Variants in CCDC171 observed in about 807,000 individuals in gnomAD.
CCDC171 encodes coiled-coil domain containing 171.
CCDC171 carries 177 observed loss-of-function variants against 168.2 expected under a neutral mutation model. That is an observed-to-expected ratio of 1.05 (90% CI 0.93 to 1.19). The LOEUF is 1.19. CCDC171 is among the 50% of genes most tolerant of loss of function. The pLI, the probability that CCDC171 is intolerant of heterozygous loss-of-function variation, is 0.00. For missense variants in CCDC171, 1,991 were observed against 1,539.0 expected (o/e 1.29, Z -4.91); for synonymous variants, 687 against 540.8 (o/e 1.27, Z -3.75).
rs368658879 is a variant in CCDC171, at chr9:15,679,631, T to C, written c.1215+735T>C. ...GTGGTGCAACCCTAGCTCACTGAAATCTGCAGCTCCTGGGCTCAAGCAATC... is the reference window on the plus strand; with the variant it reads ...GTGGTGCAACCCTAGCTCACTGAAACCTGCAGCTCCTGGGCTCAAGCAATC... On this transcript the variant is annotated intron_variant, in intron 10 of 25. Coordinates refer to ENST00000380701, the MANE Select transcript of CCDC171 (RefSeq NM_173550.4). 1.1e-4 allele frequency among the ~76,000 whole-genome samples: 16 copies of C among 152,228 alleles called. No individual in the cohort carries two copies. The East Asian group carries it at 1.7e-3, about 17-fold the overall frequency.
In CCDC171 at chr9:15,623,473, GCGCACACACACACACA is replaced by G. The variant is rs1221819166; in HGVS notation, c.822+62_822+77del. 8 of 464,728 alleles carry G rather than the reference GCGCACACACACACACA, an allele frequency of 1.7e-5. No individual in the cohort carries two copies. In the Admixed American group the frequency reaches 2.5e-4, roughly 14 times the overall value. 28.8% of individuals were successfully genotyped at this position (464,728 alleles called of 1,614,324 possible). A position where few individuals can be genotyped will look rare whatever the true frequency, so the allele number is the denominator to read the frequency against. The stretch of plus-strand genomic sequence containing the variant: ...TACAAACTTTCACATATGCGCGCGC[GCGCACACACACACACA>G]CACACACACACACACACATAAAACC... On this transcript the variant is annotated intron_variant, in intron 7 of 25. Transcript: ENST00000380701.
chr9:15,574,199 C>T (rs1050943401), intron 3 of CCDC171, among the ~76,000 whole-genome samples: 13 of 151,208 alleles, frequency 8.6e-5, no homozygotes, highest in African/African-American at 2.7e-4. Context: ...GGCTGGAGTA[C>T]AGTGGTGCTA....
intron 6 of CCDC171, among the ~76,000 whole-genome samples, chr9:15,598,403 T>G (rs2042552828): frequency 6.6e-6 from 1 of 152,202 alleles, no homozygotes. Flanking sequence ...CATTTCATTA[T>G]GTACCCAGCA....
At chr9:15,658,089 C>T (rs2048070019) in intron 8 of CCDC171, among the ~76,000 whole-genome samples, 2 of 152,160 alleles carry the variant, frequency 1.3e-5, no homozygotes, top group Admixed American at 6.5e-5. Context: ...TGTTTACTGA[C>T]CACTGTTCTG....
intron 8 of CCDC171, among the ~76,000 whole-genome samples, chr9:15,662,127 G>C (rs1380069429): frequency 6.6e-5 from 10 of 152,046 alleles, no homozygotes; most frequent in Non-Finnish European, 1.2e-4. Context: ...AAATACAAAA[G>C]TTACCTGGGT....
At chr9:15,838,653 A>G (rs778209231) in intron 21 of CCDC171, among the ~76,000 whole-genome samples, 4 of 152,190 alleles carry the variant, frequency 2.6e-5, no homozygotes, top group Admixed American at 6.5e-5. Context: ...GCTGGTCTTG[A>G]ACTCCTGGCC....
intron 24 of CCDC171, among the ~76,000 whole-genome samples, chr9:15,905,344 A>G (rs1230742941): frequency 6.6e-6 from 1 of 152,240 alleles, no homozygotes; most frequent in Non-Finnish European, 1.5e-5. Context: ...AGTGCAATCA[A>G]ACTAGAACTC....
At chr9:15,751,076 G>A (rs1343322437) in intron 18 of CCDC171, among the ~76,000 whole-genome samples, 1 of 152,200 alleles carries the variant, frequency 6.6e-6, no homozygotes, top group Non-Finnish European at 1.5e-5. Context: ...CTTCAGCAAA[G>A]TCTCAGGATA....
At chr9:15,679,230 A>C (rs1330167306) in intron 10 of CCDC171, among the ~76,000 whole-genome samples, 1 of 152,128 alleles carries the variant, frequency 6.6e-6, no homozygotes, top group East Asian at 1.9e-4. Context: ...AATACATCTG[A>C]TGATTTCAAA....
At chr9:16,061,349 T>G (rs1032437202), downstream of CCDC171, 12 of 152,260 alleles carry the variant, frequency 7.9e-5, no homozygotes, top group African/African-American at 2.9e-4. Flanking sequence ...TCTAACACTC[T>G]GTGATTCTGT....
intron 25 of CCDC171, among the ~76,000 whole-genome samples, chr9:15,930,167 CATA>C (rs1826342130): frequency 6.6e-6 from 1 of 151,620 alleles, no homozygotes. Flanking sequence ...TCACTCATTT[CATA>C]ATATTTGTTC....
At chr9:15,631,853 A>C (rs1247645417) in intron 7 of CCDC171, among the ~76,000 whole-genome samples, 14 of 152,230 alleles carry the variant, frequency 9.2e-5, no homozygotes, top group Admixed American at 6.5e-4. Context: ...CTGGGATGCA[A>C]GGCTGTTTCA....
chr9:15,839,553 T>G (rs572408303), intron 21 of CCDC171, among the ~76,000 whole-genome samples: 1 of 152,302 alleles, frequency 6.6e-6, no homozygotes, highest in African/African-American at 2.4e-5. Context: ...TATACCTCAC[T>G]GGATTATAAA....
the CCDC171 span, among the ~76,000 whole-genome samples, chr9:16,093,125 C>T: frequency 5.3e-5 from 8 of 152,198 alleles, no homozygotes; most frequent in African/African-American, 1.7e-4. Flanking sequence ...AGGCCACAAA[C>T]GATATAGCCA....
intron 1 of CCDC171, among the ~76,000 whole-genome samples, chr9:16,043,160 T>C (rs1347564797): frequency 5.3e-5 from 8 of 152,274 alleles, no homozygotes. Context: ...CAGATATATA[T>C]GGGTTCTATA....
chr9:15,576,427 A>C (rs1034528089), intron 3 of CCDC171, among the ~76,000 whole-genome samples: 2 of 151,306 alleles, frequency 1.3e-5, no homozygotes, highest in East Asian at 1.9e-4. Context: ...GCCTCAAGCA[A>C]CCCTCCCTCA....
At chr9:15,880,626 GTTTTTTTTTT>G (rs57349228) in intron 24 of CCDC171, among the ~76,000 whole-genome samples, 1 of 116,120 alleles carries the variant, frequency 8.6e-6, no homozygotes, top group South Asian at 2.7e-4. Flanking sequence ...CCGCCTAATT[GTTTTTTTTTT>G]TTTTTTTTTT....
intron 21 of CCDC171, among the ~76,000 whole-genome samples, chr9:15,837,643 G>T (rs1302182915): frequency 6.6e-6 from 1 of 152,160 alleles, no homozygotes; most frequent in Non-Finnish European, 1.5e-5. Context: ...CTTTGAATAT[G>T]CTTCCAACTG....
intron 6 of CCDC171, among the ~76,000 whole-genome samples, chr9:16,030,633 C>T (rs74778981): frequency 3.3e-3 from 503 of 152,322 alleles, no homozygotes; most frequent in African/African-American, 0.012. Context: ...CAGGAGGTCC[C>T]ATGCTTGGTC....
Sources: allele counts gnomAD v4.1 joint callset (sites outside exome capture counted in the v4.1 genomes callset), GRCh38; gene constraint gnomAD v4.1.1; transcripts MANE v1.5; gene names NCBI Gene and HGNC (gene_info 2026-07-23, HGNC 2026-07-21).